CSMD1: variants seen among roughly 807,000 people sequenced by gnomAD.
CSMD1 encodes CUB and sushi domain-containing protein 1.
CSMD1 carries 213 observed loss-of-function variants against 417.5 expected under a neutral mutation model. That is an observed-to-expected ratio of 0.51 (90% confidence interval 0.46 to 0.57). CSMD1 has a LOEUF of 0.57. Among genes scored for constraint, CSMD1 ranks in the 20% least tolerant of loss-of-function variants. The pLI is 0.00. For synonymous variants in CSMD1, 2,862 were observed against 1,736.8 expected (o/e 1.65, Z -16.11); for missense variants, 6,923 against 4,529.7 (o/e 1.53, Z -15.17).
At chr8:4,373,159 C>A (rs1802502472) in intron 3 of CSMD1, among the ~76,000 whole-genome samples, 1 of 152,132 alleles carries the variant, frequency 6.6e-6, no homozygotes, top group Non-Finnish European at 1.5e-5. Flanking sequence ...AGGAGCAACC[C>A]ATGATACCCC....
chr8:3,762,530 T>G (rs1798063798), intron 5 of CSMD1, among the ~76,000 whole-genome samples: 1 of 152,346 alleles, frequency 6.6e-6, no homozygotes, highest in South Asian at 2.1e-4. Context: ...CCTCTGTGAC[T>G]CAGCGAGTCT....
At chr8:4,293,386 T>A (rs1464934196) in intron 3 of CSMD1, among the ~76,000 whole-genome samples, 2 of 152,312 alleles carry the variant, frequency 1.3e-5, no homozygotes, top group East Asian at 3.9e-4. Flanking sequence ...ATTGAGCAAC[T>A]CTTAAGCTCC....
At chr8:3,389,041 G>A (rs1210622530) in intron 17 of CSMD1, among the ~76,000 whole-genome samples, 3 of 152,158 alleles carry the variant, frequency 2.0e-5, no homozygotes, top group African/African-American at 4.8e-5. Flanking sequence ...AATGCTGGGT[G>A]AATGATTTTT....
At chr8:4,278,817 T>C (rs1191160033) in intron 3 of CSMD1, among the ~76,000 whole-genome samples, 1 of 152,186 alleles carries the variant, frequency 6.6e-6, no homozygotes. Flanking sequence ...TAAATTTGGC[T>C]CTTGGAGTAT....
At chr8:3,866,937 A>G (rs1050494331) in intron 5 of CSMD1, among the ~76,000 whole-genome samples, 4 of 152,190 alleles carry the variant, frequency 2.6e-5, no homozygotes, top group African/African-American at 9.6e-5. Context: ...GCATGTATGG[A>G]TTTGTAAGTA....
rs562771816 is a variant in CSMD1, at chr8:3,451,936, T to C, written c.1561+16776A>G. ...TGGCCATTTTCACGACATTGATTCTTCCTACCCATGAACATGGAATGTTCT... is the reference window on the plus strand; with the variant it reads ...TGGCCATTTTCACGACATTGATTCTCCCTACCCATGAACATGGAATGTTCT... On this transcript the variant is annotated intron_variant, in intron 12 of 69. Transcript: ENST00000635120. Among the ~76,000 whole-genome samples the C allele has an allele frequency of 1.1e-4, 16 of 152,340 alleles. No homozygotes were observed. The South Asian group carries it at 1.7e-3, about 16-fold the overall frequency.
At chr8:4,367,153 T>C (rs1802121874) in intron 3 of CSMD1, among the ~76,000 whole-genome samples, 1 of 152,184 alleles carries the variant, frequency 6.6e-6, no homozygotes, top group East Asian at 1.9e-4. Context: ...TCTTAGGTTG[T>C]TTTCTATGAT....
chr8:4,147,548 C>G (rs1563186144), intron 3 of CSMD1, among the ~76,000 whole-genome samples: 1 of 152,160 alleles, frequency 6.6e-6, no homozygotes, highest in Non-Finnish European at 1.5e-5. Flanking sequence ...TTTAATTAGT[C>G]ATGTATAAAC....
At chr8:3,348,940 C>T (rs1822243) in intron 21 of CSMD1, among the ~76,000 whole-genome samples, 82,540 of 151,952 alleles carry the variant, frequency 0.54, 22,467 homozygotes, top group Admixed American at 0.65. Context: ...AGCTCCAAAA[C>T]TCTAAGTCCA....
At chr8:3,597,403 C>A (rs537101803) in intron 8 of CSMD1, among the ~76,000 whole-genome samples, 1 of 78,908 alleles carries the variant, frequency 1.3e-5, no homozygotes, top group South Asian at 4.0e-4. Context: ...TCTATGGAAT[C>A]CCAAATAAAG....
At chr8:3,507,474 T>G (rs908768853) in intron 10 of CSMD1, among the ~76,000 whole-genome samples, 1 of 152,178 alleles carries the variant, frequency 6.6e-6, no homozygotes, top group Non-Finnish European at 1.5e-5. Flanking sequence ...TACGTGTGCA[T>G]GTGTCTTTAT....
intron 3 of CSMD1, among the ~76,000 whole-genome samples, chr8:4,220,562 T>G (rs1361522119): frequency 5.3e-5 from 8 of 152,310 alleles, no homozygotes; most frequent in Non-Finnish European, 1.2e-4. Context: ...TTAGGTTTTG[T>G]GTGAAATAAT....
intron 1 of CSMD1, among the ~76,000 whole-genome samples, chr8:4,661,928 G>A (rs1353510064): frequency 6.6e-6 from 1 of 152,058 alleles, no homozygotes; most frequent in Non-Finnish European, 1.5e-5. Context: ...TCTTTTAATA[G>A]GATTATATTG....
intron 3 of CSMD1, among the ~76,000 whole-genome samples, chr8:4,302,126 C>G (rs1488742125): frequency 2.6e-5 from 4 of 152,084 alleles, no homozygotes; most frequent in Admixed American, 6.6e-5. Flanking sequence ...AGCAAGCTAT[C>G]TTGCTAACAA....
intron 1 of CSMD1, among the ~76,000 whole-genome samples, chr8:4,937,758 G>A (rs1015332578): frequency 6.6e-6 from 1 of 151,392 alleles, no homozygotes; most frequent in Non-Finnish European, 1.5e-5. Flanking sequence ...CTGATCTAGA[G>A]AGAAGTTTCT....
chr8:4,955,997 T>C (rs1402117602), intron 1 of CSMD1, among the ~76,000 whole-genome samples: 2 of 152,202 alleles, frequency 1.3e-5, no homozygotes, highest in Non-Finnish European at 2.9e-5. Flanking sequence ...ATCTGAAGGA[T>C]TCTAGACAAC....
chr8:3,668,269 C>G (rs142101809), intron 7 of CSMD1, among the ~76,000 whole-genome samples: 1 of 152,050 alleles, frequency 6.6e-6, no homozygotes, highest in Non-Finnish European at 1.5e-5. Context: ...GTTCAGCCTG[C>G]GAAGATGGCC....
At chr8:3,437,392 T>C (rs1025839428) in intron 12 of CSMD1, among the ~76,000 whole-genome samples, 6 of 152,140 alleles carry the variant, frequency 3.9e-5, no homozygotes, top group African/African-American at 7.2e-5. Flanking sequence ...TCTTTGGCAA[T>C]TCATACAGTT....
At chr8:4,468,311 A>G (rs1429070074) in intron 2 of CSMD1, among the ~76,000 whole-genome samples, 1 of 150,106 alleles carries the variant, frequency 6.7e-6, no homozygotes, top group African/African-American at 2.4e-5. Flanking sequence ...ATCTTCTGTT[A>G]TTGACTGGGC....
Sources: gnomAD v4.1 joint callset for allele counts (sites outside exome capture counted in the v4.1 genomes callset) on GRCh38, gnomAD v4.1.1 for gene constraint, MANE v1.5 for transcripts, NCBI Gene and HGNC (gene_info 2026-07-23, HGNC 2026-07-21) for gene names.